ZNF385D: variants seen among roughly 807,000 people sequenced by gnomAD.
The protein encoded by ZNF385D is zinc finger protein 385D.
Under a neutral mutation model 35.8 loss-of-function variants are expected in ZNF385D, and 15 were observed. That is an observed-to-expected ratio of 0.42 (90% CI 0.28 to 0.64). ZNF385D has a LOEUF of 0.64. ZNF385D is among the 30% of genes least tolerant of loss of function. The pLI, the probability that ZNF385D is intolerant of heterozygous loss-of-function variation, is 0.23. For synonymous variants in ZNF385D, 212 were observed against 186.8 expected (o/e 1.13, Z -1.10); for missense variants, 474 against 494.6 (o/e 0.96, Z 0.39).
At chr3:22,245,695 TGAA>T (rs775731901) in intron 2 of ZNF385D, among the ~76,000 whole-genome samples, 40 of 146,272 alleles carry the variant, frequency 2.7e-4, no homozygotes, top group Non-Finnish European at 5.4e-4. Flanking sequence ...GTGAAAACTG[TGAA>T]GAGGAAAGTG....
intron 1 of ZNF385D, among the ~76,000 whole-genome samples, chr3:21,699,090 A>G (rs1241453305): frequency 1.3e-5 from 2 of 152,226 alleles, no homozygotes; most frequent in African/African-American, 4.8e-5. Context: ...AACCAACCCA[A>G]ATGTCCATCA....
intron 2 of ZNF385D, among the ~76,000 whole-genome samples, chr3:22,195,397 C>G (rs77992633): frequency 6.6e-6 from 1 of 151,784 alleles, no homozygotes; most frequent in African/African-American, 2.4e-5. Flanking sequence ...TTTTTTCTTT[C>G]TAGATATAAG....
intron 2 of ZNF385D, among the ~76,000 whole-genome samples, chr3:22,366,035 T>A (rs1051782447): frequency 1.3e-5 from 2 of 151,688 alleles, no homozygotes; most frequent in Admixed American, 6.6e-5. Flanking sequence ...TAAGCTAAAA[T>A]TTTTTTTTAA....
intron 3 of ZNF385D, among the ~76,000 whole-genome samples, chr3:21,917,080 A>C (rs373745845): frequency 2.0e-5 from 3 of 152,334 alleles, no homozygotes; most frequent in East Asian, 3.9e-4. Context: ...AATAGAGTCC[A>C]TTAAAGAATT....
intron 2 of ZNF385D, among the ~76,000 whole-genome samples, chr3:21,609,302 A>C (rs1044542499): frequency 6.6e-6 from 1 of 152,206 alleles, no homozygotes; most frequent in Non-Finnish European, 1.5e-5. Context: ...AATTGCCATT[A>C]ATTGTTTTCA....
chr3:21,466,852 G>A (rs1481032691), intron 4 of ZNF385D, among the ~76,000 whole-genome samples: 1 of 152,170 alleles, frequency 6.6e-6, no homozygotes, highest in Non-Finnish European at 1.5e-5. Context: ...ACTTAGGAGA[G>A]TATCTATTAC....
At chr3:21,564,739 TG>T in intron 2 of ZNF385D, 55 bp from the exon 3 acceptor site, 1 of 1,184,404 alleles carries the variant, frequency 8.4e-7, no homozygotes, top group South Asian at 1.7e-5. Flanking sequence ...TCAGTTCCAT[TG>T]GAATTTTGCC....
intron 3 of ZNF385D, among the ~76,000 whole-genome samples, chr3:22,136,731 C>T (rs541773672): frequency 9.2e-5 from 14 of 152,046 alleles, no homozygotes; most frequent in African/African-American, 3.4e-4. Context: ...GTGGTACATT[C>T]AAAAAATGAA....
chr3:22,005,690 G>A (rs1696158634), intron 3 of ZNF385D, among the ~76,000 whole-genome samples: 1 of 151,946 alleles, frequency 6.6e-6, no homozygotes, highest in Non-Finnish European at 1.5e-5. Flanking sequence ...ACCCACTTGA[G>A]GAACTGTCCT....
chr3:21,438,799 ATAAG>A (rs764580089), intron 4 of ZNF385D, among the ~76,000 whole-genome samples: 2 of 152,150 alleles, frequency 1.3e-5, no homozygotes, highest in Non-Finnish European at 2.9e-5. Context: ...CTAGAGAAAA[ATAAG>A]TAAAATTACC....
intron 3 of ZNF385D, among the ~76,000 whole-genome samples, chr3:21,532,875 A>G (rs2061956763): frequency 6.6e-6 from 1 of 152,180 alleles, no homozygotes; most frequent in African/African-American, 2.4e-5. Flanking sequence ...AGCATTTTAC[A>G]AAGACAAATA....
intron 2 of ZNF385D, among the ~76,000 whole-genome samples, chr3:22,246,202 ACTGT>A (rs1026425646): frequency 1.8e-4 from 28 of 152,130 alleles, no homozygotes; most frequent in African/African-American, 6.8e-4. Context: ...TTCAAACATA[ACTGT>A]CTTTCTCCAG....
intron 3 of ZNF385D, among the ~76,000 whole-genome samples, chr3:21,794,675 G>C (rs1490825572): frequency 3.3e-5 from 5 of 152,100 alleles, no homozygotes; most frequent in African/African-American, 1.2e-4. Flanking sequence ...ATGTTAGATT[G>C]GGATGGGAGG....
intron 2 of ZNF385D, among the ~76,000 whole-genome samples, chr3:22,340,958 A>G (rs1695394764): frequency 6.6e-6 from 1 of 152,184 alleles, no homozygotes; most frequent in Non-Finnish European, 1.5e-5. Flanking sequence ...TTATCAGGTC[A>G]ATGGCGGTCC....
chr3:22,238,919 G>T lies in ZNF385D; in HGVS notation c.107-69884C>A, dbSNP rs766711167. Among the ~76,000 whole-genome samples, 39 of 149,660 alleles carry T rather than the reference G, an allele frequency of 2.6e-4. 1 individual carries two copies. Among genetic ancestry groups the T allele is most frequent in the Non-Finnish European group, 5.6e-4 (38 of 67,794 alleles). ...TTATTTTTTCTTTTGCAGAGACAGGGTCTTGCCATGTTGTACAGGCTGATC... is the reference window on the plus strand; with the variant it reads ...TTATTTTTTCTTTTGCAGAGACAGGTTCTTGCCATGTTGTACAGGCTGATC... On this transcript the variant is annotated intron_variant, in intron 2 of 5. Transcript: ENST00000494108.
At chr3:21,972,856 A>G (rs148925240) in intron 3 of ZNF385D, among the ~76,000 whole-genome samples, 24 of 152,090 alleles carry the variant, frequency 1.6e-4, no homozygotes, top group African/African-American at 4.1e-4. Context: ...ACAATCTACT[A>G]AGATTGAACC....
At chr3:21,888,249 T>G (rs575079934) in intron 3 of ZNF385D, among the ~76,000 whole-genome samples, 43 of 152,192 alleles carry the variant, frequency 2.8e-4, no homozygotes, top group Admixed American at 5.9e-4. Context: ...AAAAGTAAGC[T>G]AGTATGGACT....
At chr3:22,295,359 G>A (rs1702514290) in intron 2 of ZNF385D, among the ~76,000 whole-genome samples, 1 of 152,132 alleles carries the variant, frequency 6.6e-6, no homozygotes, top group South Asian at 2.1e-4. Flanking sequence ...TCTCACACAT[G>A]AGGGAGAGAA....
chr3:21,923,211 G>C (rs1013196432), intron 3 of ZNF385D, among the ~76,000 whole-genome samples: 1 of 151,246 alleles, frequency 6.6e-6, no homozygotes, highest in Non-Finnish European at 1.5e-5. Flanking sequence ...AGGCCCTGGT[G>C]TGTGATGTTC....
Sources: gnomAD v4.1 joint callset for allele counts (sites outside exome capture counted in the v4.1 genomes callset) on GRCh38, gnomAD v4.1.1 for gene constraint, MANE v1.5 for transcripts, NCBI Gene and HGNC (gene_info 2026-07-23, HGNC 2026-07-21) for gene names.